ERBB4: variants seen among roughly 807,000 people sequenced by gnomAD.
ERBB4 encodes erb-b2 receptor tyrosine kinase 4.
A neutral mutation model predicts 158.0 loss-of-function variants in ERBB4; 42 were observed. The observed-to-expected ratio is 0.27, with a 90% CI of 0.21 to 0.34. The LOEUF is 0.34. Among genes scored for constraint, ERBB4 ranks in the 10% least tolerant of loss-of-function variants. The pLI is 1.00. For synonymous variants in ERBB4, 583 were observed against 558.7 expected (o/e 1.04, Z -0.61); for missense variants, 1,333 against 1,624.1 (o/e 0.82, Z 3.08).
chr2:211,808,684 T>A (rs2076676937), intron 3 of ERBB4, among the ~76,000 whole-genome samples: 1 of 152,240 alleles, frequency 6.6e-6, no homozygotes, highest in East Asian at 1.9e-4. Context: ...GGTAGCTTCA[T>A]GGGGATGGCA....
chr2:211,938,943 C>A (rs370483427), intron 3 of ERBB4, among the ~76,000 whole-genome samples: 11 of 152,088 alleles, frequency 7.2e-5, no homozygotes, highest in African/African-American at 2.7e-4. Flanking sequence ...GTTTAGCAAG[C>A]AAGCTTGATT....
At chr2:211,583,731 TAATATAAACA>T (rs1039255803) in intron 19 of ERBB4, among the ~76,000 whole-genome samples, 2 of 151,638 alleles carry the variant, frequency 1.3e-5, no homozygotes, top group African/African-American at 2.4e-5. Flanking sequence ...TATGACATGT[TAATATAAACA>T]ATCCAATTTA....
At chr2:211,686,019 A>T (rs543119821) in intron 12 of ERBB4, among the ~76,000 whole-genome samples, 1 of 152,204 alleles carries the variant, frequency 6.6e-6, no homozygotes, top group South Asian at 2.1e-4. Flanking sequence ...GTTTTTGTAG[A>T]TTTTTTGAAA....
chr2:211,951,583 A>T (rs1259386787), intron 2 of ERBB4, among the ~76,000 whole-genome samples: 1 of 152,138 alleles, frequency 6.6e-6, no homozygotes, highest in Non-Finnish European at 1.5e-5. Context: ...TAATATTTAC[A>T]TACTTCTCAT....
chr2:212,044,383 T>C (rs2077208263), intron 2 of ERBB4, among the ~76,000 whole-genome samples: 1 of 152,184 alleles, frequency 6.6e-6, no homozygotes, highest in Non-Finnish European at 1.5e-5. Flanking sequence ...CAAAATCCTC[T>C]TTCAATGCCG....
At chr2:212,125,111 G>A in intron 1 of ERBB4, 1 of 575,590 alleles carries the variant, frequency 1.7e-6, no homozygotes, top group Non-Finnish European at 3.1e-6. Context: ...ATCACAGAGA[G>A]TAGGAAGGCA....
intron 20 of ERBB4, among the ~76,000 whole-genome samples, chr2:211,555,915 G>A (rs2067224292): frequency 6.6e-6 from 1 of 152,118 alleles, no homozygotes; most frequent in African/African-American, 2.4e-5. Context: ...ACACAAACAA[G>A]TCTGCATGAT....
chr2:212,124,766 G>T lies in ERBB4; in HGVS notation c.220C>A (p.Leu74Ile), dbSNP rs1201600413. Reference sequence around the variant, plus strand: ...CACAGCTTTACCCGCAGGAAGGAGAGGTCCCGGTTGTGCTCAATGCTGGTT... The same window carrying T: ...CACAGCTTTACCCGCAGGAAGGAGATGTCCCGGTTGTGCTCAATGCTGGTT... ...EITSIEHNRD[L>I]SFLRSVREVT... Residue 74 changes from leucine (L) to isoleucine (I), a missense_variant, in exon 2 of 28, where the codon CTC becomes ATC. Around this residue, in one of 5 missense-constraint regions of ERBB4, gnomAD observed 438 missense variants for 586.9 expected, o/e 0.75. Coordinates refer to ENST00000342788, the MANE Select transcript of ERBB4 (RefSeq NM_005235.3). The T allele has an allele frequency of 6.2e-7, 1 of 1,614,158 alleles. No homozygotes were observed. Among genetic ancestry groups the T allele is most frequent in the South Asian group, 1.1e-5 (1 of 91,078 alleles).
intron 3 of ERBB4, 49 bp downstream of exon 3, chr2:211,947,381 C>G: frequency 1.4e-6 from 2 of 1,447,946 alleles, no homozygotes; most frequent in Non-Finnish European, 1.9e-6. Flanking sequence ...ATACAATTGC[C>G]TTATATTGAT....
intron 19 of ERBB4, among the ~76,000 whole-genome samples, chr2:211,586,858 T>C (rs2068295078): frequency 6.6e-6 from 1 of 152,164 alleles, no homozygotes; most frequent in Admixed American, 6.5e-5. Context: ...GACTCACTTA[T>C]TCTTTCCGAT....
intron 1 of ERBB4, among the ~76,000 whole-genome samples, chr2:212,455,918 T>G (rs1688267522): frequency 6.6e-6 from 1 of 152,156 alleles, no homozygotes; most frequent in Admixed American, 6.6e-5. Context: ...CTGGGCATCC[T>G]GCAGAAAAAT....
chr2:212,068,768 T>A (rs2078019009), intron 2 of ERBB4, among the ~76,000 whole-genome samples: 1 of 152,114 alleles, frequency 6.6e-6, no homozygotes, highest in African/African-American at 2.4e-5. Flanking sequence ...TTTCATGGAA[T>A]GAACTGTTGT....
intron 20 of ERBB4, among the ~76,000 whole-genome samples, chr2:211,500,571 T>C (rs1416514700): frequency 1.3e-5 from 2 of 152,172 alleles, no homozygotes; most frequent in Non-Finnish European, 2.9e-5. Context: ...TCATAATCAT[T>C]AGTTTATCAC....
At chr2:211,402,214 A>G (rs751313181) in intron 25 of ERBB4, among the ~76,000 whole-genome samples, 1 of 152,052 alleles carries the variant, frequency 6.6e-6, no homozygotes, top group South Asian at 2.1e-4. Flanking sequence ...TTTTAGGGTA[A>G]CAAGCTCCTT....
At chr2:212,281,471 C>T (rs766973500) in intron 1 of ERBB4, among the ~76,000 whole-genome samples, 6 of 151,736 alleles carry the variant, frequency 4.0e-5, no homozygotes, top group Admixed American at 6.6e-5. Flanking sequence ...CTGTTGATTC[C>T]TCTGTGAGCT....
intron 1 of ERBB4, among the ~76,000 whole-genome samples, chr2:212,206,226 G>T (rs905710715): frequency 1.3e-5 from 2 of 152,090 alleles, no homozygotes; most frequent in African/African-American, 4.8e-5. Context: ...CCCTAGCACA[G>T]GATCTGACAC....
At chr2:212,191,638 C>CCTGT (rs2082214124) in intron 1 of ERBB4, among the ~76,000 whole-genome samples, 1 of 81,886 alleles carries the variant, frequency 1.2e-5, no homozygotes, top group Non-Finnish European at 2.7e-5. Flanking sequence ...GTTATGCATG[C>CCTGT]TATATATAAC....
At chr2:211,634,344 G>T (rs2070274331) in intron 16 of ERBB4, among the ~76,000 whole-genome samples, 2 of 151,662 alleles carry the variant, frequency 1.3e-5, no homozygotes, top group African/African-American at 4.8e-5. Context: ...ATTATAGTTT[G>T]ATATGTCTGA....
intron 1 of ERBB4, among the ~76,000 whole-genome samples, chr2:212,259,471 A>C (rs998168902): frequency 4.6e-5 from 7 of 152,168 alleles, no homozygotes; most frequent in African/African-American, 1.7e-4. Flanking sequence ...AACCATGTGA[A>C]TACATTTATT....
Sources: gnomAD v4.1 joint callset for allele counts (sites outside exome capture counted in the v4.1 genomes callset) on GRCh38, gnomAD v4.1.1 for gene constraint, gnomAD v4.1.1 regional missense constraint, MANE v1.5 for transcripts, NCBI Gene and HGNC (gene_info 2026-07-23, HGNC 2026-07-21) for gene names.